The following LRPPRC variants were observed in gnomAD, a reference collection of about 807,000 sequenced individuals.
LRPPRC encodes leucine rich pentatricopeptide repeat containing, also known as leucine-rich PPR motif-containing protein, mitochondrial.
In LRPPRC, 120 loss-of-function variants were observed where a neutral mutation model predicts 180.3. The observed-to-expected ratio is 0.67, with a 90% CI of 0.57 to 0.77. LRPPRC has a LOEUF of 0.77. Ranked by LOEUF, LRPPRC falls within the 30% of genes least tolerant of loss-of-function variation. The pLI, the probability that LRPPRC is intolerant of heterozygous loss-of-function variation, is 0.00. For synonymous variants in LRPPRC, 723 were observed against 600.0 expected, an observed-to-expected ratio of 1.21 and a Z score of -3.00; for missense variants, 2,012 against 1,657.2, an observed-to-expected ratio of 1.21 and a Z score of -3.72.
At chr2:43,961,972 AG>A (rs1673366393) in intron 12 of LRPPRC, among the ~76,000 whole-genome samples, 1 of 152,210 alleles carries the variant, frequency 6.6e-6, no homozygotes, top group Non-Finnish European at 1.5e-5. Flanking sequence ...CAAAAAACAA[AG>A]AAAAAAAGCA....
At position 43,961,350 on chromosome 2, in the gene LRPPRC, GT is replaced by G. The variant is rs371571880; in HGVS notation, c.1489-717del. Among the ~76,000 whole-genome samples the G allele has an allele frequency of 1.9e-3, 296 of 152,268 alleles. 1 individual carries two copies. The highest frequency in any genetic ancestry group is 7.0e-3 in the African/African-American group (291 of 41,568). ...AAGTAATGAAGGCAAAAAGAAGTAAGTTTTTAAAAGGAAAATAAGAATGTTC... is the reference window on the plus strand; with the variant it reads ...AAGTAATGAAGGCAAAAAGAAGTAAGTTTTAAAAGGAAAATAAGAATGTTC... On this transcript the variant is annotated intron_variant, in intron 12 of 37. Coordinates refer to ENST00000260665, the MANE Select transcript of LRPPRC (RefSeq NM_133259.4).
intron 8 of LRPPRC, 63 bp from the exon 9 acceptor site, chr2:43,974,358 A>G (rs778198261): frequency 2.8e-5 from 33 of 1,199,226 alleles, no homozygotes; most frequent in Non-Finnish European, 4.1e-5. Context: ...ACTGCAACCA[A>G]TGTTCCAATA....
rs370398117 is a variant in LRPPRC, at chr2:43,927,521, T to C, written c.2737-1560A>G. ...CTCAGGCACAATTTCTTCTCAAGGA[T>C]TTTTCTTACGTTATTTGTTTTGTTT... On this transcript the variant is annotated intron_variant, in intron 25 of 37. Coordinates refer to ENST00000260665, the MANE Select transcript of LRPPRC (RefSeq NM_133259.4). Among the ~76,000 whole-genome samples, 74 of 152,308 alleles carry C rather than the reference T, an allele frequency of 4.9e-4. 1 individual carries two copies. The South Asian group carries it at 5.6e-3, about 12-fold the overall frequency.
At chr2:43,993,218 C>T (rs1455558093) in intron 1 of LRPPRC, among the ~76,000 whole-genome samples, 1 of 152,116 alleles carries the variant, frequency 6.6e-6, no homozygotes, top group Non-Finnish European at 1.5e-5. Context: ...ATACATCTTA[C>T]ACATACATAA....
intron 2 of LRPPRC, among the ~76,000 whole-genome samples, chr2:43,980,553 CAAAAAA>C (rs145131663): frequency 2.4e-5 from 2 of 85,080 alleles, no homozygotes; most frequent in Non-Finnish European, 4.8e-5. Context: ...GACTCTGTTT[CAAAAAA>C]AAAAAAAAAA....
intron 23 of LRPPRC, among the ~76,000 whole-genome samples, chr2:43,935,910 C>T (rs1337688166): frequency 2.0e-5 from 3 of 151,988 alleles, no homozygotes; most frequent in Admixed American, 6.6e-5. Context: ...GTGGAGAAAC[C>T]CCATCTCTAT....
chr2:43,949,768 T>C, intron 15 of LRPPRC, 109 bp from the exon 16 acceptor site: 3 of 771,998 alleles, frequency 3.9e-6, no homozygotes, highest in South Asian at 1.5e-5. Flanking sequence ...TAAGGTACTA[T>C]TCTATTTCAC....
At chr2:43,993,817 G>T (rs1440125739) in intron 1 of LRPPRC, among the ~76,000 whole-genome samples, 2 of 151,982 alleles carry the variant, frequency 1.3e-5, no homozygotes, top group African/African-American at 4.8e-5. Flanking sequence ...AGTGGGACCG[G>T]CATGTTTTGG....
intron 1 of LRPPRC, among the ~76,000 whole-genome samples, chr2:43,992,993 C>T (rs1187158896): frequency 6.6e-6 from 1 of 151,992 alleles, no homozygotes; most frequent in South Asian, 2.1e-4. Context: ...AGTAAAACTA[C>T]CAAGAACATC....
At chr2:43,951,206 T>C (rs192170979) in intron 14 of LRPPRC, among the ~76,000 whole-genome samples, 2 of 152,332 alleles carry the variant, frequency 1.3e-5, no homozygotes, top group African/African-American at 4.8e-5. Context: ...GTATCACTCA[T>C]GTGGTCTTCC....
At chr2:43,987,971 C>A (rs548658394) in intron 1 of LRPPRC, among the ~76,000 whole-genome samples, 53 of 152,130 alleles carry the variant, frequency 3.5e-4, no homozygotes, top group African/African-American at 1.3e-3. Flanking sequence ...GGGCCAGGCA[C>A]GGTAGCTCAA....
At chr2:43,958,269 T>A (rs1673204010) in intron 13 of LRPPRC, among the ~76,000 whole-genome samples, 1 of 152,214 alleles carries the variant, frequency 6.6e-6, no homozygotes, top group South Asian at 2.1e-4. Flanking sequence ...ATCTTTTCAC[T>A]ATAAATGTAA....
At chr2:43,915,934 T>G (rs1005415223) in intron 29 of LRPPRC, among the ~76,000 whole-genome samples, 1 of 152,048 alleles carries the variant, frequency 6.6e-6, no homozygotes, top group Non-Finnish European at 1.5e-5. Flanking sequence ...CCAGGCTAAT[T>G]TGTGTATTTT....
chr2:43,994,676 G>A (rs978527004), intron 1 of LRPPRC, among the ~76,000 whole-genome samples: 2 of 152,160 alleles, frequency 1.3e-5, no homozygotes, highest in East Asian at 3.8e-4. Flanking sequence ...TAATTTACAA[G>A]CATCAGTCTT....
At chr2:43,909,391 G>A (rs1208721014) in intron 30 of LRPPRC, among the ~76,000 whole-genome samples, 1 of 152,092 alleles carries the variant, frequency 6.6e-6, no homozygotes, top group Admixed American at 6.5e-5. Flanking sequence ...AGTCTCACTT[G>A]TATGTCAAAC....
intron 37 of LRPPRC, 74 bp downstream of exon 37, chr2:43,889,660 T>C: frequency 8.2e-7 from 1 of 1,216,826 alleles, no homozygotes; most frequent in Non-Finnish European, 1.2e-6. Flanking sequence ...CTTCAACTTA[T>C]TTTCTTACAC....
chr2:43,908,071 A>G (rs1194836635), intron 30 of LRPPRC, among the ~76,000 whole-genome samples: 1 of 152,202 alleles, frequency 6.6e-6, no homozygotes, highest in Non-Finnish European at 1.5e-5. Context: ...GGCCAATTCA[A>G]CAAAAATCAT....
At chr2:43,972,510 G>A (rs140874958) in intron 11 of LRPPRC, among the ~76,000 whole-genome samples, 3 of 152,326 alleles carry the variant, frequency 2.0e-5, no homozygotes, top group South Asian at 2.1e-4. Context: ...TAACATGCCT[G>A]AAGAGTTTGA....
chr2:43,958,218 A>T (rs575491295), intron 13 of LRPPRC, among the ~76,000 whole-genome samples: 4 of 152,332 alleles, frequency 2.6e-5, no homozygotes, highest in African/African-American at 7.2e-5. Flanking sequence ...TTTTCCCTGT[A>T]ATTGTACTAA....
Sources: gnomAD v4.1 joint callset for allele counts (sites outside exome capture counted in the v4.1 genomes callset) on GRCh38, gnomAD v4.1.1 for gene constraint, MANE v1.5 for transcripts, NCBI Gene and HGNC (gene_info 2026-07-23, HGNC 2026-07-21) for gene names.